CNTNAP2: variants seen among roughly 807,000 people sequenced by gnomAD.
CNTNAP2 encodes the protein contactin associated protein 2, also known as contactin-associated protein-like 2.
Under a neutral mutation model 155.2 loss-of-function variants are expected in CNTNAP2, and 98 were observed. That is an observed-to-expected ratio of 0.63 (90% confidence interval 0.54 to 0.75). The LOEUF is 0.75. Among genes scored for constraint, CNTNAP2 ranks in the 30% least tolerant of loss-of-function variants. The pLI, the probability that CNTNAP2 is intolerant of heterozygous loss-of-function variation, is 0.00. For synonymous variants in CNTNAP2, 651 were observed against 631.2 expected (o/e 1.03, Z -0.47); for missense variants, 1,727 against 1,688.1 (o/e 1.02, Z -0.40).
At chr7:147,804,144 C>G (rs1012813039) in intron 13 of CNTNAP2, among the ~76,000 whole-genome samples, 18 of 152,204 alleles carry the variant, frequency 1.2e-4, no homozygotes, top group African/African-American at 4.3e-4. Flanking sequence ...TTATAAATAC[C>G]AGAAGCACTT....
intron 22 of CNTNAP2, among the ~76,000 whole-genome samples, chr7:148,396,366 A>G (rs1799468337): frequency 6.6e-6 from 1 of 152,124 alleles, no homozygotes; most frequent in Non-Finnish European, 1.5e-5. Flanking sequence ...CTTCAGTATC[A>G]TGCTTCTGTT....
chr7:148,409,055 A>C (rs542378651), intron 22 of CNTNAP2, among the ~76,000 whole-genome samples: 19 of 152,366 alleles, frequency 1.2e-4, no homozygotes, highest in Non-Finnish European at 2.2e-4. Flanking sequence ...GATGGGAAGC[A>C]GATTTCAACC....
chr7:146,228,467 AG>A (rs1428494923), intron 1 of CNTNAP2, among the ~76,000 whole-genome samples: 1 of 152,208 alleles, frequency 6.6e-6, no homozygotes, highest in Admixed American at 6.5e-5. Flanking sequence ...AGATGACAAC[AG>A]CTTAGAACAT....
rs1584969968 is a variant in CNTNAP2, at chr7:146,536,480, G to C, written c.98-237791G>C. On this transcript the variant is annotated intron_variant, in intron 1 of 23. Coordinates refer to ENST00000361727, the MANE Select transcript of CNTNAP2 (RefSeq NM_014141.6). Reference sequence around the variant, plus strand: ...TCTCTACATTTTTAATGATGCATTGGGGGAGGGTGAGGCAATAAGAGACAC... The same window carrying C: ...TCTCTACATTTTTAATGATGCATTGCGGGAGGGTGAGGCAATAAGAGACAC... 2.0e-5 allele frequency among the ~76,000 whole-genome samples: 3 copies of C among 151,928 alleles called. No homozygotes were observed. In the Admixed American group the frequency reaches 2.0e-4, roughly 10 times the overall value.
intron 15 of CNTNAP2, among the ~76,000 whole-genome samples, chr7:148,108,107 C>G (rs1209557517): frequency 6.6e-6 from 1 of 152,214 alleles, no homozygotes; most frequent in Non-Finnish European, 1.5e-5. Flanking sequence ...AGGGAGGAGA[C>G]AGGGCAGGGG....
At chr7:147,014,169 T>G (rs1300666046) in intron 3 of CNTNAP2, among the ~76,000 whole-genome samples, 1 of 152,202 alleles carries the variant, frequency 6.6e-6, no homozygotes, top group African/African-American at 2.4e-5. Context: ...ATGCTCATTT[T>G]AATGTTAATT....
intron 21 of CNTNAP2, among the ~76,000 whole-genome samples, chr7:148,269,938 C>A (rs372616576): frequency 2.5e-4 from 38 of 152,326 alleles, no homozygotes; most frequent in African/African-American, 8.7e-4. Flanking sequence ...CCTAAAGATA[C>A]TACACTATGA....
chr7:148,415,658 T>C lies in CNTNAP2; in HGVS notation c.*42T>C. On this transcript the variant is annotated 3_prime_UTR_variant, in exon 24 of 24. Transcript: ENST00000361727. ...TATGGGATAGGGAGGAGGGAATTAC[T>C]AGGGAGGAGAGAAAGGGACAAAAGC... 1 of 1,610,426 alleles carries C rather than the reference T, an allele frequency of 6.2e-7. No individual in the cohort carries two copies. The highest frequency in any genetic ancestry group is 8.5e-7 in the Non-Finnish European group (1 of 1,177,616).
chr7:146,389,330 G>A (rs1378666369), intron 1 of CNTNAP2, among the ~76,000 whole-genome samples: 1 of 151,894 alleles, frequency 6.6e-6, no homozygotes, highest in Non-Finnish European at 1.5e-5. Context: ...CTTCAAAACT[G>A]AAAACTGATG....
intron 11 of CNTNAP2, among the ~76,000 whole-genome samples, chr7:147,507,713 C>T (rs557638587): frequency 2.4e-4 from 37 of 151,794 alleles, no homozygotes; most frequent in Non-Finnish European, 3.2e-4. Context: ...CCACCACGCG[C>T]GGCTAATTTT....
At chr7:147,881,043 C>T (rs1190900064) in intron 13 of CNTNAP2, among the ~76,000 whole-genome samples, 1 of 152,132 alleles carries the variant, frequency 6.6e-6, no homozygotes, top group East Asian at 1.9e-4. Context: ...GGAGGAAAAA[C>T]TGCTGTAAGA....
At chr7:148,287,869 G>A (rs1278883049) in intron 21 of CNTNAP2, among the ~76,000 whole-genome samples, 1 of 142,208 alleles carries the variant, frequency 7.0e-6, no homozygotes, top group Non-Finnish European at 1.5e-5. Context: ...TTGGCTCACT[G>A]CAACCTCCAC....
At chr7:146,421,597 G>T (rs1174515446) in intron 1 of CNTNAP2, among the ~76,000 whole-genome samples, 1 of 151,820 alleles carries the variant, frequency 6.6e-6, no homozygotes, top group Non-Finnish European at 1.5e-5. Flanking sequence ...TTCATTTAAA[G>T]TTAATGATCT....
chr7:146,411,908 C>G (rs1325449736), intron 1 of CNTNAP2, among the ~76,000 whole-genome samples: 1 of 151,764 alleles, frequency 6.6e-6, no homozygotes, highest in Non-Finnish European at 1.5e-5. Context: ...ATGATCTCAG[C>G]TCACTACAAC....
At chr7:146,729,402 T>C (rs1406548672) in intron 1 of CNTNAP2, among the ~76,000 whole-genome samples, 2 of 152,096 alleles carry the variant, frequency 1.3e-5, no homozygotes, top group Non-Finnish European at 2.9e-5. Flanking sequence ...CAAGAGGATG[T>C]ACACAGGTTA....
At chr7:146,312,295 T>C (rs905946241) in intron 1 of CNTNAP2, among the ~76,000 whole-genome samples, 1 of 152,154 alleles carries the variant, frequency 6.6e-6, no homozygotes, top group African/African-American at 2.4e-5. Context: ...AGTTAGTTGA[T>C]GAGAGGGTGA....
intron 5 of CNTNAP2, among the ~76,000 whole-genome samples, chr7:147,114,801 C>T (rs1231762695): frequency 6.6e-6 from 1 of 152,110 alleles, no homozygotes; most frequent in Non-Finnish European, 1.5e-5. Context: ...GGCATTTAAC[C>T]CATTTACATT....
intron 21 of CNTNAP2, among the ~76,000 whole-genome samples, chr7:148,301,530 G>A (rs1797392026): frequency 6.6e-6 from 1 of 151,960 alleles, no homozygotes; most frequent in Admixed American, 6.6e-5. Flanking sequence ...GCAGCAAGTT[G>A]GAGAGATGAA....
rs1241519483 is a variant in CNTNAP2 at position 147,979,586 on chromosome 7, C to A, written c.2383+1597C>A. Among the ~76,000 whole-genome samples the A allele has an allele frequency of 2.0e-5, 3 of 152,108 alleles. No homozygotes were observed. The East Asian group carries it at 5.8e-4, about 29-fold the overall frequency. Reference sequence around the variant, plus strand: ...TAACTTAATATATTTATAAAAATTCCACTTCTGCAAACTTTTTTTCTTGTC... The same window carrying A: ...TAACTTAATATATTTATAAAAATTCAACTTCTGCAAACTTTTTTTCTTGTC... On this transcript the variant is annotated intron_variant, in intron 15 of 23. Coordinates refer to ENST00000361727, the MANE Select transcript of CNTNAP2 (RefSeq NM_014141.6).
Sources: gnomAD v4.1 joint callset for allele counts (sites outside exome capture counted in the v4.1 genomes callset) on GRCh38, gnomAD v4.1.1 for gene constraint, MANE v1.5 for transcripts, NCBI Gene and HGNC (gene_info 2026-07-23, HGNC 2026-07-21) for gene names.